Variants in CPSF4 observed in about 807,000 individuals in gnomAD.
CPSF4 encodes the protein cleavage and polyadenylation specificity factor subunit 4.
CPSF4 carries 11 observed loss-of-function variants against 37.7 expected under a neutral mutation model. The observed-to-expected ratio is 0.29, with a 90% CI of 0.18 to 0.48. The LOEUF is 0.48. CPSF4 is among the 20% of genes least tolerant of loss of function. The pLI is 0.99. For missense variants in CPSF4, 144 were observed against 359.5 expected (o/e 0.40, Z 4.85); for synonymous variants, 132 against 135.9 (o/e 0.97, Z 0.20).
At chr7:99,450,599 G>GC in intron 4 of CPSF4, 103 bp from the exon 5 acceptor site, 1 of 993,828 alleles carries the variant, frequency 1.0e-6, no homozygotes, top group Non-Finnish European at 1.6e-6. Context: ...TGAGGTCCCT[G>GC]CCCCGTCTCC....
intron 1 of CPSF4, chr7:99,443,142 G>T (rs751387174): frequency 5.0e-6 from 4 of 797,458 alleles, no homozygotes; most frequent in Non-Finnish European, 9.2e-6. Context: ...AAACCTAGCT[G>T]CCTGAGCAGC....
In CPSF4 at chr7:99,440,675, T is replaced by TATATATA. The variant is rs1491236759; in HGVS notation, c.103+1490_103+1491insATATATA. 2.4e-3 allele frequency among the ~76,000 whole-genome samples: 177 copies of TATATATA among 74,784 alleles called. 1 individual carries two copies. Among genetic ancestry groups the TATATATA allele is most frequent in the African/African-American group, 0.017 (158 of 9,426 alleles). The allele number at this position is 74,784 out of a possible 152,430, so 49.1% of individuals were successfully genotyped here. The stretch of plus-strand genomic sequence containing the variant: ...CCTGGCATATATATATATATATATA[T>TATATATA]TTTTTTTTTTTTTTTTTTCCTGCCT... On this transcript the variant is annotated intron_variant, in intron 1 of 7. Transcript: ENST00000292476.
At position 99,456,798 on chromosome 7, in the gene CPSF4, G is replaced by A; in HGVS notation, c.*298G>A. The stretch of plus-strand genomic sequence containing the variant: ...TCATCCAGGGAGGGAGGCAGCTGCT[G>A]GGGAGGGGCTTGGCTAGGTAGTTCT... On this transcript the variant is annotated 3_prime_UTR_variant, in exon 8 of 8. Transcript: ENST00000292476. 2.0e-6 allele frequency: 1 copy of A among 489,170 alleles called. No homozygotes were observed. The highest frequency in any genetic ancestry group is 1.9e-5 in the South Asian group (1 of 51,310). 30.3% of individuals were successfully genotyped at this position (489,170 alleles called of 1,614,324 possible).
At chr7:99,449,368 C>T (rs969030252) in intron 3 of CPSF4, among the ~76,000 whole-genome samples, 14 of 152,246 alleles carry the variant, frequency 9.2e-5, no homozygotes, top group Admixed American at 7.2e-4. Context: ...ATGTTCCCCC[C>T]GATGCCTTGC....
At chr7:99,452,821 G>A (rs1798030207) in intron 6 of CPSF4, 1 of 197,488 alleles carries the variant, frequency 5.1e-6, no homozygotes, top group African/African-American at 2.3e-5. Context: ...TGCAAATAGG[G>A]AAACCGAGAC....
In CPSF4 at chr7:99,450,000, G is replaced by A. The variant is rs142449629; in HGVS notation, c.308-276G>A. 2.7e-4 allele frequency among the ~76,000 whole-genome samples: 41 copies of A among 152,300 alleles called. 1 individual carries two copies. The highest frequency in any genetic ancestry group is 7.2e-4 in the African/African-American group (30 of 41,576). ...TTGGTGCTGGTGGTCCCTGGGGTCC[G>A]CTGCTTTGGAGAGGGCCAGGTCCAC... On this transcript the variant is annotated intron_variant, in intron 3 of 7. Transcript: ENST00000292476.
intron 1 of CPSF4, among the ~76,000 whole-genome samples, chr7:99,440,510 G>C (rs1393470715): frequency 6.6e-6 from 1 of 151,216 alleles, no homozygotes; most frequent in African/African-American, 2.4e-5. Context: ...CAACACGCCT[G>C]GCAAATTTTT....
rs1797843906 is a variant in CPSF4, at chr7:99,450,313, C to T, written c.345C>T (p.Ile115=). 4 of 1,613,948 alleles carry T rather than the reference C, an allele frequency of 2.5e-6. No homozygotes were observed. The highest frequency in any genetic ancestry group is 2.7e-5 in the African/African-American group (2 of 74,926). The part of the protein sequence containing the change: ...CSNKECPFLH[I]DPESKIKDCP... ...ACAAGGAATGTCCCTTCCTGCACAT[C>T]GACCCCGAGTCCAAGATCAAGGACT... The change falls in exon 4 of 8, where the codon ATC becomes ATT. Residue 115 remains isoleucine (I), a synonymous_variant. Coordinates refer to ENST00000292476, the MANE Select transcript of CPSF4 (RefSeq NM_006693.4).
intron 7 of CPSF4, among the ~76,000 whole-genome samples, chr7:99,455,077 G>C (rs1291612788): frequency 6.6e-6 from 1 of 152,152 alleles, no homozygotes; most frequent in Non-Finnish European, 1.5e-5. Flanking sequence ...AAAGAGCATG[G>C]AAGTGGGGCA....
intron 1 of CPSF4, chr7:99,443,099 A>G (rs1797168174): frequency 1.1e-6 from 1 of 883,040 alleles, no homozygotes; most frequent in African/African-American, 1.6e-5. Context: ...GTGTGTTCAG[A>G]TGACAGACTT....
rs34079237 is a variant in CPSF4, at chr7:99,447,109, G to GCTTACTTA, written c.155-999_155-992dup. 2.1e-4 allele frequency among the ~76,000 whole-genome samples: 32 copies of GCTTACTTA among 149,700 alleles called. 1 individual carries two copies. Among genetic ancestry groups the GCTTACTTA allele is most frequent in the African/African-American group, 7.2e-4 (29 of 40,144 alleles). On this transcript the variant is annotated intron_variant, in intron 2 of 7. Transcript: ENST00000292476. ...CCTGGTCCCCAAGCTTGCTTGGCTG[G>GCTTACTTA]CTTACTTACTTACTTACTTATTTAT...
intron 6 of CPSF4, chr7:99,452,658 G>A (rs1037199967): frequency 5.7e-5 from 32 of 560,472 alleles, no homozygotes; most frequent in Admixed American, 3.1e-5. Context: ...AAGGCCAAGC[G>A]CAGCAGCAGA....
At chr7:99,451,932 GTGCAGGCACC>G (rs1235823021) in intron 5 of CPSF4, among the ~76,000 whole-genome samples, 1 of 152,244 alleles carries the variant, frequency 6.6e-6, no homozygotes, top group Non-Finnish European at 1.5e-5. Context: ...CTGAATGAGA[GTGCAGGCACC>G]TGCAGGTGGC....
rs879067571 is a variant in CPSF4, at chr7:99,443,046, A to C, written c.104-1743A>C. ...GGAAATTGAAGAGACATTCAAACCA[A>C]ATCTTTGAGCTCTTTCCTTCGGCTT... On this transcript the variant is annotated intron_variant, in intron 1 of 7. Transcript: ENST00000292476. 2.1e-5 allele frequency: 24 copies of C among 1,165,124 alleles called. No homozygotes were observed. The South Asian group carries it at 2.7e-4, about 13-fold the overall frequency. 72.2% of individuals were successfully genotyped at this position (1,165,124 alleles called of 1,614,324 possible).
chr7:99,442,713 C>T (rs1233096401), intron 1 of CPSF4, among the ~76,000 whole-genome samples: 1 of 142,898 alleles, frequency 7.0e-6, no homozygotes, highest in Non-Finnish European at 1.5e-5. Flanking sequence ...AAAAACACAA[C>T]AACCTTAAAG....
intron 1 of CPSF4, 39 bp from the exon 2 acceptor site, chr7:99,444,750 C>T: frequency 1.3e-6 from 2 of 1,593,712 alleles, no homozygotes; most frequent in Non-Finnish European, 1.7e-6. Context: ...TAGCAAATTG[C>T]ACCTCTTTGA....
At chr7:99,456,145 G>A (rs1461699978) in intron 7 of CPSF4, among the ~76,000 whole-genome samples, 1 of 152,224 alleles carries the variant, frequency 6.6e-6, no homozygotes, top group Non-Finnish European at 1.5e-5. Context: ...TGGGAGAGTT[G>A]TGGGCCTGAA....
At chr7:99,450,848 T>A (rs1797881887) in intron 5 of CPSF4, 53 bp downstream of exon 5, 1 of 1,365,866 alleles carries the variant, frequency 7.3e-7, no homozygotes, top group Non-Finnish European at 1.0e-6. Flanking sequence ...CAGGCCCTGC[T>A]GCCCTCCGTA....
Position 99,443,269 on chromosome 7 carries a change from C to T in CPSF4, c.104-1520C>T, listed in dbSNP as rs528633643. 40 of 776,786 alleles carry T rather than the reference C, an allele frequency of 5.1e-5. No individual in the cohort carries two copies. The African/African-American group carries it at 6.1e-4, about 12-fold the overall frequency. 48.1% of individuals were successfully genotyped at this position (776,786 alleles called of 1,614,324 possible). A position where few individuals can be genotyped will look rare whatever the true frequency, so the allele number is the denominator to read the frequency against. On this transcript the variant is annotated intron_variant, in intron 1 of 7. Transcript: ENST00000292476. Reference sequence around the variant, plus strand: ...ACTTTCTTCTCTGCTGCCACATCAACAGTTTTTTTCAGGGGGTTCTTCCTA... The same window carrying T: ...ACTTTCTTCTCTGCTGCCACATCAATAGTTTTTTTCAGGGGGTTCTTCCTA...
Sources: gnomAD v4.1 joint callset for allele counts (sites outside exome capture counted in the v4.1 genomes callset) on GRCh38, gnomAD v4.1.1 for gene constraint, MANE v1.5 for transcripts, NCBI Gene and HGNC (gene_info 2026-07-23, HGNC 2026-07-21) for gene names.